Variants in RHEB observed in about 807,000 individuals in gnomAD.
RHEB encodes GTP-binding protein Rheb.
Under a neutral mutation model 28.8 loss-of-function variants are expected in RHEB, and 2 were observed. That is an observed-to-expected ratio of 0.07 (90% confidence interval 0.03 to 0.22). The LOEUF is 0.22. Ranked by LOEUF, RHEB falls within the 10% of genes least tolerant of loss-of-function variation. RHEB has a pLI of 1.00. For missense variants in RHEB, 76 were observed against 219.9 expected (o/e 0.35, Z 4.14); for synonymous variants, 69 against 77.3 (o/e 0.89, Z 0.56).
intron 1 of RHEB, chr7:151,502,278 C>T (rs113346361): frequency 3.0e-6 from 2 of 661,338 alleles, no homozygotes; most frequent in African/African-American, 1.8e-5. Context: ...AGCAATGGCA[C>T]TAGCATGATA....
At chr7:151,481,156 T>G (rs1304214283) in intron 3 of RHEB, among the ~76,000 whole-genome samples, 1 of 151,868 alleles carries the variant, frequency 6.6e-6, no homozygotes, top group Non-Finnish European at 1.5e-5. Context: ...ATACTTCACA[T>G]TCTTACCCCA....
chr7:151,481,044 G>A (rs1802374492), intron 3 of RHEB, among the ~76,000 whole-genome samples: 1 of 151,744 alleles, frequency 6.6e-6, no homozygotes, highest in Non-Finnish European at 1.5e-5. Flanking sequence ...TGGTGACCTT[G>A]AGCAGTAGGA....
chr7:151,501,750 G>A (rs1802775161), intron 1 of RHEB: 1 of 235,808 alleles, frequency 4.2e-6, no homozygotes, highest in Non-Finnish European at 8.5e-6. Flanking sequence ...GCCCCTGGCG[G>A]AGGAAGTGAC....
intron 4 of RHEB, 86 bp downstream of exon 4, chr7:151,477,247 T>C (rs1802286689): frequency 1.2e-6 from 1 of 808,218 alleles, no homozygotes; most frequent in Admixed American, 2.4e-5. Context: ...TAATTGTCAC[T>C]ATTAATAATT....
chr7:151,491,538 C>G (rs781627929), intron 1 of RHEB, among the ~76,000 whole-genome samples: 2 of 152,130 alleles, frequency 1.3e-5, no homozygotes, highest in African/African-American at 4.8e-5. Context: ...GAGTTTGAGA[C>G]CAGCCTGGCC....
intron 2 of RHEB, among the ~76,000 whole-genome samples, chr7:151,488,992 G>A (rs1021675785): frequency 6.6e-6 from 1 of 152,126 alleles, no homozygotes; most frequent in Non-Finnish European, 1.5e-5. Context: ...CCAGGCTGGA[G>A]TACAGTGACA....
intron 1 of RHEB, among the ~76,000 whole-genome samples, chr7:151,495,534 G>A (rs771593429): frequency 7.9e-5 from 12 of 152,208 alleles, no homozygotes; most frequent in Non-Finnish European, 1.0e-4. Context: ...TACAGAAGGT[G>A]TACTTTCAGG....
chr7:151,505,165 A>T (rs1340239948), intron 1 of RHEB, among the ~76,000 whole-genome samples: 1 of 110,410 alleles, frequency 9.1e-6, no homozygotes, highest in South Asian at 3.4e-4. Context: ...CAAAATAAAC[A>T]AAACAAAAAA....
chr7:151,491,495 G>A (rs1802580211), intron 1 of RHEB, among the ~76,000 whole-genome samples: 1 of 152,186 alleles, frequency 6.6e-6, no homozygotes, highest in Non-Finnish European at 1.5e-5. Flanking sequence ...CAGCACTTTG[G>A]GAGGCTGAGG....
intron 1 of RHEB, among the ~76,000 whole-genome samples, chr7:151,494,737 G>A (rs534931506): frequency 1.9e-4 from 29 of 152,318 alleles, no homozygotes; most frequent in Admixed American, 1.8e-3. Context: ...GAAAAACTAC[G>A]TTTCCCTTGG....
At chr7:151,477,269 C>T (rs956584964) in intron 4 of RHEB, 64 bp downstream of exon 4, 3 of 926,956 alleles carry the variant, frequency 3.2e-6, no homozygotes, top group African/African-American at 3.3e-5. Flanking sequence ...CAGCACAGTC[C>T]CTTAAAAGGA....
chr7:151,517,216 A>G (rs1803096899), intron 1 of RHEB, among the ~76,000 whole-genome samples: 2 of 152,072 alleles, frequency 1.3e-5, no homozygotes, highest in South Asian at 4.1e-4. Flanking sequence ...TAAAAATACA[A>G]AATTAGCCGG....
At chr7:151,501,932 A>C (rs1306183184) in intron 1 of RHEB, 2 of 719,904 alleles carry the variant, frequency 2.8e-6, no homozygotes, top group South Asian at 1.4e-5. Flanking sequence ...GAAGATCAAG[A>C]AGCTCATTAA....
chr7:151,481,108 T>A (rs933243044), intron 3 of RHEB, among the ~76,000 whole-genome samples: 1 of 151,680 alleles, frequency 6.6e-6, no homozygotes, highest in African/African-American at 2.4e-5. Context: ...CAGGCATAAA[T>A]AGGTTAATAT....
intron 1 of RHEB, among the ~76,000 whole-genome samples, chr7:151,491,716 G>A (rs187280547): frequency 1.9e-4 from 28 of 148,698 alleles, no homozygotes; most frequent in African/African-American, 5.5e-4. Flanking sequence ...AAGCCTGGGC[G>A]ACAGAGCAAG....
intron 1 of RHEB, 161 bp downstream of exon 1, chr7:151,519,299 C>A: frequency 2.5e-6 from 1 of 393,918 alleles, no homozygotes; most frequent in Non-Finnish European, 3.9e-6. Context: ...CCGCCCCGAC[C>A]GCCACCACCT....
chr7:151,502,068 T>C, intron 1 of RHEB: 1 of 400,616 alleles, frequency 2.5e-6, no homozygotes, highest in Non-Finnish European at 4.6e-6. Context: ...AAACCCTGTC[T>C]CTACTAAAAA....
intron 7 of RHEB, 68 bp downstream of exon 7, chr7:151,470,503 A>G: frequency 9.3e-7 from 1 of 1,073,580 alleles, no homozygotes; most frequent in East Asian, 2.4e-5. Context: ...TCAAATGCCA[A>G]CTGCAAGGAA....
intron 1 of RHEB, chr7:151,502,267 C>A (rs1802786549): frequency 1.6e-6 from 1 of 613,408 alleles, no homozygotes; most frequent in East Asian, 2.8e-5. Flanking sequence ...AGGCAGCCTG[C>A]AGCAATGGCA....
Sources: gnomAD v4.1 joint callset for allele counts (sites outside exome capture counted in the v4.1 genomes callset) on GRCh38, gnomAD v4.1.1 for gene constraint, MANE v1.5 for transcripts, NCBI Gene and HGNC (gene_info 2026-07-23, HGNC 2026-07-21) for gene names.